SELENOP: variants seen among roughly 807,000 people sequenced by gnomAD.
SELENOP encodes the protein selenoprotein P.
Under a neutral mutation model 41.0 loss-of-function variants are expected in SELENOP, and 36 were observed. That is an observed-to-expected ratio of 0.88 (90% CI 0.67 to 1.16). The LOEUF (loss-of-function observed/expected upper bound fraction) is 1.16. SELENOP is among the 50% of genes most tolerant of loss of function. The pLI, the probability that SELENOP is intolerant of heterozygous loss-of-function variation, is 0.00. For missense variants in SELENOP, 440 were observed against 454.2 expected (o/e 0.97, Z 0.28); for synonymous variants, 144 against 150.8 (o/e 0.95, Z 0.33).
chr5:42,806,335 G>A (rs995666261), intron 3 of SELENOP: 1 of 152,252 alleles, frequency 6.6e-6, no homozygotes, highest in Non-Finnish European at 1.5e-5. Flanking sequence ...GAAAGTATAA[G>A]CATGTTTTAG....
Position 42,807,120 on chromosome 5 carries a change from G to A in SELENOP, c.204-12C>T, listed in dbSNP as rs1159717519. 2 of 1,255,314 alleles carry A rather than the reference G, an allele frequency of 1.6e-6. No homozygotes were observed. The highest frequency in any genetic ancestry group is 1.1e-6 in the Non-Finnish European group (1 of 875,474). 77.8% of individuals were successfully genotyped at this position (1,255,314 alleles called of 1,614,324 possible). A position where few individuals can be genotyped will look rare whatever the true frequency, so the allele number is the denominator to read the frequency against. On this transcript the variant is annotated splice_polypyrimidine_tract_variant and intron_variant, in intron 2 of 4. Transcript: ENST00000514985. ...GCAGGTCTTCTAATCTAAAATATTT[G>A]GGAAGAAATACATAAAATGAATAAT...
In SELENOP at chr5:42,801,124, TATG is replaced by T. The variant is rs778708590; in HGVS notation, c.739_741del (p.His247del). On this transcript the variant is annotated inframe_deletion, in exon 5 of 5. Coordinates refer to ENST00000514985, the MANE Select transcript of SELENOP (RefSeq NM_005410.4). ...CCCTGCCTATGCTGACCCTTGTGCT[TATG>T]GTGGTGATGAAGGCCTGGAGGAGCA... 1.4e-5 allele frequency: 22 copies of T among 1,614,022 alleles called. No homozygotes were observed. The highest frequency in any genetic ancestry group is 1.0e-5 in the Non-Finnish European group (12 of 1,180,028).
intron 1 of SELENOP, among the ~76,000 whole-genome samples, chr5:42,810,470 T>G (rs1336342026): frequency 6.6e-6 from 1 of 152,188 alleles, no homozygotes; most frequent in Non-Finnish European, 1.5e-5. Flanking sequence ...TTTATTTATT[T>G]ATTTTTTGAG....
chr5:42,810,975 T>C (rs991606500), intron 1 of SELENOP, among the ~76,000 whole-genome samples: 1 of 152,212 alleles, frequency 6.6e-6, no homozygotes, highest in Non-Finnish European at 1.5e-5. Flanking sequence ...TTGATAATTA[T>C]AGTTGTCAGA....
chr5:42,810,409 G>A (rs569863202), intron 1 of SELENOP, among the ~76,000 whole-genome samples: 1 of 152,222 alleles, frequency 6.6e-6, no homozygotes, highest in Non-Finnish European at 1.5e-5. Context: ...CAAAAAATCA[G>A]CACTTGGTTT....
rs752538090 is a variant in SELENOP at position 42,800,943 on chromosome 5, A to T, written c.923T>A (p.Ile308Lys). The T allele has an allele frequency of 6.2e-7, 1 of 1,614,224 alleles. No individual in the cohort carries two copies. Among genetic ancestry groups the T allele is most frequent in the Non-Finnish European group, 8.5e-7 (1 of 1,180,038 alleles). ...GATTGCAGACCCTGTTTTTTCAAAT[A>T]TCAGATGTCGACAATGGCAGCATCA... ...RSUCCHCRHL[I>K]FEKTGSAITU... Residue 308 changes from isoleucine (I) to lysine (K), a missense_variant, in exon 5 of 5, where the codon ATA (isoleucine) becomes AAA (lysine). Transcript: ENST00000514985.
Position 42,799,892 on chromosome 5 carries a change from T to A in SELENOP, c.*828A>T, listed in dbSNP as rs1384489529. On this transcript the variant is annotated 3_prime_UTR_variant, in exon 5 of 5. Transcript: ENST00000514985. ...ATAACAAACGAAGTCAGCTTTAAGG[T>A]TTTTATTGAATTTATTTGGACAAAT... 38 of 1,204,238 alleles carry A rather than the reference T, an allele frequency of 3.2e-5. No homozygotes were observed. In the East Asian group the frequency reaches 8.4e-4, roughly 27 times the overall value. The allele number at this position is 1,204,238 out of a possible 1,614,324, so 74.6% of individuals were successfully genotyped here. A position where few individuals can be genotyped will look rare whatever the true frequency, so the allele number is the denominator to read the frequency against.
chr5:42,804,606 T>G (rs369642994), intron 4 of SELENOP, 50 bp downstream of exon 4: 1 of 1,058,392 alleles, frequency 9.4e-7, no homozygotes, highest in African/African-American at 1.6e-5. Flanking sequence ...CATGATAAAC[T>G]CTTAAAAGAT....
At chr5:42,804,908 G>C (rs1320698776) in intron 3 of SELENOP, 135 bp from the exon 4 acceptor site, 1 of 523,482 alleles carries the variant, frequency 1.9e-6, no homozygotes, top group Non-Finnish European at 3.3e-6. Flanking sequence ...AAATTTCTTT[G>C]GATGAGAGCT....
Position 42,800,489 on chromosome 5 carries a change from A to G in SELENOP, c.*231T>C, listed in dbSNP as rs565477894. The G allele has an allele frequency of 8.7e-6, 4 of 461,958 alleles. No individual in the cohort carries two copies. The highest frequency in any genetic ancestry group is 2.0e-5 in the African/African-American group (1 of 50,174). 28.6% of individuals were successfully genotyped at this position (461,958 alleles called of 1,614,324 possible). ...ACACTGGAAAAAGAAAAAAAAAGAC[A>G]TATTAACCAAAAGCTGCAATCACCT... On this transcript the variant is annotated 3_prime_UTR_variant, in exon 5 of 5. Transcript: ENST00000514985.
intron 3 of SELENOP, 60 bp from the exon 4 acceptor site, chr5:42,804,833 A>C: frequency 9.1e-7 from 1 of 1,096,472 alleles, no homozygotes; most frequent in Non-Finnish European, 1.4e-6. Flanking sequence ...ATCCTACTCA[A>C]ATACAGTCTG....
Position 42,799,890 on chromosome 5 carries a change from GGTT to G in SELENOP, c.*827_*829del. On this transcript the variant is annotated 3_prime_UTR_variant, in exon 5 of 5. Transcript: ENST00000514985. Reference sequence around the variant, plus strand: ...ACATAACAAACGAAGTCAGCTTTAAGGTTTTTATTGAATTTATTTGGACAAATC... The same window carrying G: ...ACATAACAAACGAAGTCAGCTTTAAGTTTATTGAATTTATTTGGACAAATC... 1 of 1,209,628 alleles carries G rather than the reference GGTT, an allele frequency of 8.3e-7. No individual in the cohort carries two copies. The allele number at this position is 1,209,628 out of a possible 1,614,324, so 74.9% of individuals were successfully genotyped here.
At position 42,805,644 on chromosome 5, in the gene SELENOP, A is replaced by G. The variant is rs1377262144; in HGVS notation, c.417-871T>C. The G allele has an allele frequency of 3.9e-5, 6 of 152,222 alleles. 1 individual carries two copies. Among genetic ancestry groups the G allele is most frequent in the Non-Finnish European group, 7.4e-5 (5 of 68,026 alleles). The allele number at this position is 152,222 out of a possible 1,614,324, so 9.4% of individuals were successfully genotyped here. ...CACTTTACAGTTCAGAAATTCAGGT[A>G]TGTAGCCTTAAAATTATTATTTAGA... On this transcript the variant is annotated intron_variant, in intron 3 of 4. Transcript: ENST00000514985.
At position 42,806,966 on chromosome 5, in the gene SELENOP, G is replaced by C. The variant is rs750002287; in HGVS notation, c.346C>G (p.Gln116Glu). The C allele has an allele frequency of 1.9e-6, 3 of 1,612,052 alleles. No homozygotes were observed. Among genetic ancestry groups the C allele is most frequent in the Non-Finnish European group, 2.5e-6 (3 of 1,178,736 alleles). The change falls in exon 3 of 5, where the codon CAA (glutamine) becomes GAA (glutamate). Residue 116 changes from glutamine (Q) to glutamate (E), a missense_variant. Physicochemically the swap from Gln to Glu is conservative, Grantham distance 29 (BLOSUM62 2). Coordinates refer to ENST00000514985, the MANE Select transcript of SELENOP (RefSeq NM_005410.4). ...KVSEHIPVYQ[Q>E]EENQTDVWTL... ...CAGACATCTGTTTGGTTTTCTTCTT[G>C]TTGATAAACAGGAATATGCTCTGAA...
intron 4 of SELENOP, among the ~76,000 whole-genome samples, chr5:42,802,836 A>T (rs1342561467): frequency 2.0e-5 from 3 of 152,106 alleles, no homozygotes; most frequent in Non-Finnish European, 4.4e-5. Flanking sequence ...GTCTCGATCT[A>T]TTGACCTCGT....
intron 1 of SELENOP, chr5:42,810,812 ACTCATTTCC>A: frequency 9.7e-7 from 1 of 1,026,416 alleles, no homozygotes; most frequent in Non-Finnish European, 1.2e-6. Context: ...AGACTGTTTC[ACTCATTTCC>A]CTCATTTAGG....
In SELENOP at chr5:42,807,104, C is replaced by A; in HGVS notation, c.208G>T (p.Glu70Ter). 2 of 1,422,286 alleles carry A rather than the reference C, an allele frequency of 1.4e-6. No individual in the cohort carries two copies. Among genetic ancestry groups the A allele is most frequent in the Non-Finnish European group, 9.8e-7 (1 of 1,019,572 alleles). 88.1% of individuals were successfully genotyped at this position (1,422,286 alleles called of 1,614,324 possible). Reference sequence around the variant, plus strand: ...TTCTTCAGTTTTACTCGCAGGTCTTCTAATCTAAAATATTTGGGAAGAAAT... The same window carrying A: ...TTCTTCAGTTTTACTCGCAGGTCTTATAATCTAAAATATTTGGGAAGAAAT... ...YLCILQASKL[E>*]DLRVKLKKEG... is the part of the protein sequence containing the mutation. The change falls in exon 3 of 5, where the codon GAA (glutamate) becomes TAA (stop). Residue 70 changes from glutamate to a stop codon, truncating the protein, a stop_gained. Transcript: ENST00000514985. LOFTEE classifies it high-confidence loss of function.
At chr5:42,808,091 G>C (rs892260811) in intron 2 of SELENOP, 60 bp downstream of exon 2, 1 of 779,866 alleles carries the variant, frequency 1.3e-6, no homozygotes, top group African/African-American at 1.8e-5. Flanking sequence ...GTCTATATGC[G>C]TGTGTGTATT....
chr5:42,801,386 C>T (rs539953399), intron 4 of SELENOP, 55 bp from the exon 5 acceptor site: 15 of 1,303,994 alleles, frequency 1.2e-5, no homozygotes, highest in South Asian at 2.9e-5. Flanking sequence ...AGGAATAATG[C>T]GTGAAAAATG....
Sources: allele counts gnomAD v4.1 joint callset (sites outside exome capture counted in the v4.1 genomes callset), GRCh38; gene constraint gnomAD v4.1.1; transcripts MANE v1.5; gene names NCBI Gene and HGNC (gene_info 2026-07-23, HGNC 2026-07-21).